Variants in MYO16 observed in about 807,000 individuals in gnomAD.
MYO16 encodes the protein unconventional myosin-XVI.
In MYO16, 94 loss-of-function variants were observed where a neutral mutation model predicts 205.3. The observed-to-expected ratio is 0.46, with a 90% confidence interval of 0.39 to 0.54. The LOEUF is 0.54. Ranked by LOEUF, MYO16 falls within the 20% of genes least tolerant of loss-of-function variation. The pLI, the probability that MYO16 is intolerant of heterozygous loss-of-function variation, is 0.00. For missense variants in MYO16, 2,315 were observed against 2,387.5 expected, an observed-to-expected ratio of 0.97 and a Z score of 0.63; for synonymous variants, 988 against 954.0, an observed-to-expected ratio of 1.04 and a Z score of -0.66.
At chr13:108,788,506 C>T (rs927991504) in intron 5 of MYO16, among the ~76,000 whole-genome samples, 1 of 152,190 alleles carries the variant, frequency 6.6e-6, no homozygotes, top group Non-Finnish European at 1.5e-5. Flanking sequence ...ATAATGGATA[C>T]ATTATACACA....
chr13:109,182,373 C>A (rs1370069164), intron 34 of MYO16, among the ~76,000 whole-genome samples: 1 of 152,146 alleles, frequency 6.6e-6, no homozygotes, highest in African/African-American at 2.4e-5. Context: ...CAACAATTGA[C>A]CTGGCTCCAT....
At chr13:108,922,783 A>G (rs961736561) in intron 16 of MYO16, among the ~76,000 whole-genome samples, 3 of 152,222 alleles carry the variant, frequency 2.0e-5, no homozygotes, top group Admixed American at 2.0e-4. Context: ...ATGACCTTCT[A>G]TGCCATAATA....
intron 3 of MYO16, among the ~76,000 whole-genome samples, chr13:108,716,237 A>C (rs951862078): frequency 6.6e-6 from 1 of 152,220 alleles, no homozygotes; most frequent in African/African-American, 2.4e-5. Context: ...CCTAGGTAAC[A>C]GTATACAGAG....
intron 34 of MYO16, among the ~76,000 whole-genome samples, chr13:109,199,934 T>C (rs1270026478): frequency 1.3e-5 from 2 of 152,212 alleles, no homozygotes; most frequent in Non-Finnish European, 2.9e-5. Context: ...TTTGTATTGT[T>C]TATATAGTAC....
At chr13:109,065,242 G>A (rs767157544) in intron 27 of MYO16, among the ~76,000 whole-genome samples, 2 of 152,046 alleles carry the variant, frequency 1.3e-5, no homozygotes, top group Non-Finnish European at 2.9e-5. Flanking sequence ...CATCACTCTC[G>A]CTGTATTCTA....
intron 23 of MYO16, among the ~76,000 whole-genome samples, chr13:109,023,671 ATATATG>A (rs1886223891): frequency 7.9e-6 from 1 of 126,120 alleles, no homozygotes; most frequent in African/African-American, 3.1e-5. Flanking sequence ...ATATATGCAA[ATATATG>A]TATATATACA....
At chr13:108,634,046 C>T (rs1880109259) in intron 1 of MYO16, among the ~76,000 whole-genome samples, 1 of 152,156 alleles carries the variant, frequency 6.6e-6, no homozygotes. Flanking sequence ...TCTGTCCTTG[C>T]CCCAGAGGAG....
intron 5 of MYO16, among the ~76,000 whole-genome samples, chr13:108,792,428 A>G (rs184099668): frequency 3.3e-5 from 5 of 152,324 alleles, no homozygotes; most frequent in Admixed American, 2.0e-4. Context: ...ACACTTATCA[A>G]AACTAAAAAG....
chr13:108,623,770 T>C (rs190453086), intron 1 of MYO16, among the ~76,000 whole-genome samples: 46 of 152,178 alleles, frequency 3.0e-4, no homozygotes, highest in African/African-American at 9.6e-4. Context: ...TCATAGGAAA[T>C]AGGAAAAGTA....
chr13:109,024,032 A>G (rs1201406421), intron 23 of MYO16, among the ~76,000 whole-genome samples: 1 of 143,664 alleles, frequency 7.0e-6, no homozygotes, highest in South Asian at 2.1e-4. Flanking sequence ...GTGTATGTAT[A>G]TATTTATATT....
At chr13:109,026,608 A>T (rs760713626) in intron 23 of MYO16, among the ~76,000 whole-genome samples, 9 of 152,182 alleles carry the variant, frequency 5.9e-5, no homozygotes, top group Non-Finnish European at 1.3e-4. Context: ...AGATGATAAG[A>T]GTAGTAGTTT....
intron 10 of MYO16, among the ~76,000 whole-genome samples, chr13:108,853,311 T>G (rs1877986455): frequency 6.6e-6 from 1 of 152,190 alleles, no homozygotes; most frequent in Non-Finnish European, 1.5e-5. Context: ...GACTTCTATT[T>G]TTATCAACAA....
chr13:108,533,429 A>T, the MYO16 span, among the ~76,000 whole-genome samples: 1 of 152,338 alleles, frequency 6.6e-6, no homozygotes, highest in Admixed American at 6.5e-5. Context: ...ATTAGGTTAC[A>T]TGATATAATT....
chr13:108,668,637 G>A (rs1038165153), intron 2 of MYO16, among the ~76,000 whole-genome samples: 7 of 152,132 alleles, frequency 4.6e-5, no homozygotes, highest in Non-Finnish European at 7.4e-5. Context: ...TGATGGATAC[G>A]GGGCAGGGAC....
rs549966519 is a variant in MYO16, at chr13:109,102,711, G to A, written c.3438+1824G>A. The stretch of plus-strand genomic sequence containing the variant: ...GGTCAAATATGAGAGGAGACCAGAA[G>A]ACAAATTGGTAAGCCCTGCCAGCCA... On this transcript the variant is annotated intron_variant, in intron 28 of 34. Transcript: ENST00000457511. 6.4e-4 allele frequency among the ~76,000 whole-genome samples: 98 copies of A among 152,236 alleles called. 1 individual carries two copies. In the South Asian group the frequency reaches 0.019, roughly 30 times the overall value.
chr13:108,849,730 C>T lies in MYO16; in HGVS notation c.1248+5237C>T, dbSNP rs1322188378. On this transcript the variant is annotated intron_variant, in intron 10 of 34. Transcript: ENST00000457511. ...TCTTCCAAATCCTGTTGAATTTCCTCTTTTTTTTTTTTTAACTCATCCATA... is the reference window on the plus strand; with the variant it reads ...TCTTCCAAATCCTGTTGAATTTCCTTTTTTTTTTTTTTTAACTCATCCATA... Among the ~76,000 whole-genome samples, 240 of 128,198 alleles carry T rather than the reference C, an allele frequency of 1.9e-3. 3 individuals carry two copies. The highest frequency in any genetic ancestry group is 6.6e-3 in the African/African-American group (225 of 33,926). The allele number at this position is 128,198 out of a possible 152,430, so 84.1% of individuals were successfully genotyped here.
At chr13:108,957,124 G>A (rs527388476) in intron 16 of MYO16, among the ~76,000 whole-genome samples, 7 of 152,184 alleles carry the variant, frequency 4.6e-5, no homozygotes, top group East Asian at 3.9e-4. Flanking sequence ...GGTGGCTCAC[G>A]CCTGTAATCC....
At chr13:109,202,174 C>T (rs545991977) in intron 34 of MYO16, among the ~76,000 whole-genome samples, 6 of 151,940 alleles carry the variant, frequency 3.9e-5, no homozygotes, top group South Asian at 2.1e-4. Flanking sequence ...TGCATGTGCA[C>T]GTATTTTTTT....
chr13:109,024,616 C>G (rs1004300062), intron 23 of MYO16, among the ~76,000 whole-genome samples: 4 of 151,988 alleles, frequency 2.6e-5, no homozygotes, highest in African/African-American at 9.7e-5. Context: ...ACAGAGAAAA[C>G]CAATTGATTA....
Sources: gnomAD v4.1 joint callset for allele counts (sites outside exome capture counted in the v4.1 genomes callset) on GRCh38, gnomAD v4.1.1 for gene constraint, MANE v1.5 for transcripts, NCBI Gene and HGNC (gene_info 2026-07-23, HGNC 2026-07-21) for gene names.